MORC3: variants seen among roughly 807,000 people sequenced by gnomAD.
MORC3 encodes MORC family CW-type zinc finger protein 3.
A neutral mutation model predicts 109.1 loss-of-function variants in MORC3; 31 were observed. The observed-to-expected ratio is 0.28, with a 90% CI of 0.21 to 0.38. The LOEUF (loss-of-function observed/expected upper bound fraction) is 0.38. Among genes scored for constraint, MORC3 ranks in the 10% least tolerant of loss-of-function variants. The probability of loss-of-function intolerance (pLI) is 1.00; values close to 1 mark genes in which losing one functional copy is unlikely to be tolerated. For synonymous variants in MORC3, 395 were observed against 380.7 expected (o/e 1.04, Z -0.44); for missense variants, 867 against 1,135.8 (o/e 0.76, Z 3.40).
At chr21:36,374,547 C>A (rs1438824664) in intron 16 of MORC3, among the ~76,000 whole-genome samples, 2 of 152,144 alleles carry the variant, frequency 1.3e-5, no homozygotes, top group African/African-American at 4.8e-5. Context: ...GTAATCCCAG[C>A]ACTCTGAGGT....
chr21:36,370,635 A>ATTTTTTTTTTTTT lies in MORC3; in HGVS notation c.2508+760_2508+761insTTTTTTTTTTTTT, dbSNP rs1361206395. On this transcript the variant is annotated intron_variant, in intron 15 of 16. Transcript: ENST00000400485. The stretch of plus-strand genomic sequence containing the variant: ...TACATATATATATATATATATATAT[A>ATTTTTTTTTTTTT]TATATTTTTTTTTTTTTTTTTTTTT... Among the ~76,000 whole-genome samples, 4 of 42,004 alleles carry ATTTTTTTTTTTTT rather than the reference A, an allele frequency of 9.5e-5. 1 individual carries two copies. The highest frequency in any genetic ancestry group is 1.8e-4 in the Non-Finnish European group (4 of 22,436). The allele number at this position is 42,004 out of a possible 152,430, so 27.6% of individuals were successfully genotyped here.
intron 10 of MORC3, among the ~76,000 whole-genome samples, chr21:36,359,234 T>A (rs1165487490): frequency 6.6e-6 from 1 of 152,204 alleles, no homozygotes; most frequent in African/African-American, 2.4e-5. Context: ...AATTTAATGC[T>A]ATTAAGACAT....
chr21:36,345,310 A>G (rs2085495633), intron 8 of MORC3, among the ~76,000 whole-genome samples: 2 of 151,562 alleles, frequency 1.3e-5, no homozygotes, highest in African/African-American at 4.9e-5. Flanking sequence ...CAGTGGCACA[A>G]TCTTGGCTAA....
intron 4 of MORC3, 76 bp downstream of exon 4, chr21:36,338,022 T>C (rs1601517430): frequency 6.8e-7 from 1 of 1,460,210 alleles, no homozygotes; most frequent in Non-Finnish European, 9.5e-7. Flanking sequence ...GTTTTTGCCT[T>C]CTTCCAGATT....
At chr21:36,374,743 G>T (rs1340256088) in intron 16 of MORC3, among the ~76,000 whole-genome samples, 1 of 152,194 alleles carries the variant, frequency 6.6e-6, no homozygotes, top group Non-Finnish European at 1.5e-5. Flanking sequence ...TGCCATCGCA[G>T]CTCACTGCAG....
chr21:36,356,574 A>C, intron 9 of MORC3, 46 bp from the exon 10 acceptor site: 1 of 1,266,954 alleles, frequency 7.9e-7, no homozygotes, highest in Non-Finnish European at 1.1e-6. Context: ...TTTATGATTT[A>C]TGTTTGAAAA....
At position 36,344,674 on chromosome 21, in the gene MORC3, C is replaced by T. The variant is rs199572587; in HGVS notation, c.852C>T (p.Tyr284=). 1.2e-6 allele frequency: 2 copies of T among 1,613,730 alleles called. No homozygotes were observed. Among genetic ancestry groups the T allele is most frequent in the Non-Finnish European group, 1.7e-6 (2 of 1,179,936 alleles). Residue 284 remains tyrosine (Y), a synonymous_variant, in exon 7 of 17, where the codon TAC becomes TAT. Coordinates refer to ENST00000400485, the MANE Select transcript of MORC3 (RefSeq NM_015358.3). Reference sequence around the variant, plus strand: ...AGCTGGTTTCGAAGAGTCTTGCCTACATCGAACGTGATGTTTATCGACCAA... The same window carrying T: ...AGCTGGTTTCGAAGAGTCTTGCCTATATCGAACGTGATGTTTATCGACCAA... The part of the protein sequence containing the change: ...KTQLVSKSLA[Y]IERDVYRPKF...
chr21:36,342,392 GTTTT>G, intron 6 of MORC3, among the ~76,000 whole-genome samples: 1 of 151,808 alleles, frequency 6.6e-6, no homozygotes, highest in East Asian at 1.9e-4. Context: ...TGAGGTTTTT[GTTTT>G]TTTGTTTTTC....
In MORC3 at chr21:36,338,503, C is replaced by G. The variant is rs2085398519; in HGVS notation, c.461-271C>G. ...GGAATTTTGAGACCAGCCCAAGCAACGTAGGGAGACCCTATCTCTACAAAA... is the reference window on the plus strand; with the variant it reads ...GGAATTTTGAGACCAGCCCAAGCAAGGTAGGGAGACCCTATCTCTACAAAA... On this transcript the variant is annotated intron_variant, in intron 4 of 16. Transcript: ENST00000400485. Among the ~76,000 whole-genome samples, 2 of 151,898 alleles carry G rather than the reference C, an allele frequency of 1.3e-5. 1 individual carries two copies. Among genetic ancestry groups the G allele is most frequent in the South Asian group, 4.2e-4 (2 of 4,816 alleles).
intron 5 of MORC3, among the ~76,000 whole-genome samples, chr21:36,340,074 C>T (rs932098587): frequency 1.6e-4 from 24 of 152,004 alleles, no homozygotes; most frequent in South Asian, 2.1e-4. Context: ...GTCAGGAGAT[C>T]GAGACCATCC....
chr21:36,327,590 C>T (rs1222917044), intron 1 of MORC3, among the ~76,000 whole-genome samples: 2 of 151,386 alleles, frequency 1.3e-5, no homozygotes, highest in South Asian at 2.1e-4. Flanking sequence ...AAAGCAGATA[C>T]GTCATTTCAA....
chr21:36,351,574 C>G (rs2085573244), intron 9 of MORC3, among the ~76,000 whole-genome samples: 1 of 144,394 alleles, frequency 6.9e-6, no homozygotes, highest in African/African-American at 2.9e-5. Context: ...GTAATGTCCT[C>G]CAGGTATATC....
Position 36,361,128 on chromosome 21 carries a change from C to T in MORC3, c.1406+870C>T, listed in dbSNP as rs116347930. Among the ~76,000 whole-genome samples, 920 of 151,832 alleles carry T rather than the reference C, an allele frequency of 6.1e-3. 9 individuals are homozygous for T. The highest frequency in any genetic ancestry group is 0.021 in the African/African-American group (885 of 41,382). On this transcript the variant is annotated intron_variant, in intron 12 of 16. Transcript: ENST00000400485. ...ACAGATGCTGAATAAGGATAGTCAG[C>T]CAGTGGAGACTTCAGGCTAATCTAC... is the stretch of plus-strand genomic sequence containing the variant.
intron 1 of MORC3, among the ~76,000 whole-genome samples, chr21:36,324,431 C>T (rs192240073): frequency 5.6e-4 from 85 of 151,826 alleles, no homozygotes; most frequent in African/African-American, 1.9e-3. Context: ...GCACCTGCCA[C>T]GTTGCCTGGT....
intron 5 of MORC3, 124 bp from the exon 6 acceptor site, chr21:36,341,275 C>G (rs1164907606): frequency 2.3e-6 from 2 of 856,556 alleles, no homozygotes; most frequent in Non-Finnish European, 3.5e-6. Flanking sequence ...ACCCCCAACC[C>G]CCCACTGACG....
At chr21:36,338,396 T>G (rs1327211570) in intron 4 of MORC3, among the ~76,000 whole-genome samples, 2 of 152,156 alleles carry the variant, frequency 1.3e-5, no homozygotes, top group Admixed American at 6.5e-5. Flanking sequence ...ATGTTAAAAC[T>G]TAGAAAATAG....
chr21:36,375,180 C>T lies in MORC3; in HGVS notation c.2704C>T (p.Leu902=), dbSNP rs758735375. 6.2e-7 allele frequency: 1 copy of T among 1,613,874 alleles called. No homozygotes were observed. The highest frequency in any genetic ancestry group is 1.1e-5 in the South Asian group (1 of 91,012). The change falls in exon 17 of 17, where the codon CTG becomes TTG. Residue 902 remains leucine, a synonymous_variant. Coordinates refer to ENST00000400485, the MANE Select transcript of MORC3 (RefSeq NM_015358.3). Reference sequence around the variant, plus strand: ...ATCTCTTCGAGTTAACGTAGGACAACTGCTGGCTATGATTGTGCCTGATCT... The same window carrying T: ...ATCTCTTCGAGTTAACGTAGGACAATTGCTGGCTATGATTGTGCCTGATCT... ...LRSLRVNVGQ[L]LAMIVPDLDL...
chr21:36,360,387 G>A (rs1324064375), intron 12 of MORC3, 129 bp downstream of exon 12: 14 of 908,918 alleles, frequency 1.5e-5, no homozygotes, highest in East Asian at 1.3e-4. Context: ...TGTGGAGTGC[G>A]TAATATCAAG....
At chr21:36,324,360 C>G (rs1374415626) in intron 1 of MORC3, among the ~76,000 whole-genome samples, 1 of 151,464 alleles carries the variant, frequency 6.6e-6, no homozygotes, top group Non-Finnish European at 1.5e-5. Flanking sequence ...TCACTGCAAG[C>G]TCCGCCTCCC....
Sources: gnomAD v4.1 joint callset for allele counts (sites outside exome capture counted in the v4.1 genomes callset) on GRCh38, gnomAD v4.1.1 for gene constraint, MANE v1.5 for transcripts, NCBI Gene and HGNC (gene_info 2026-07-23, HGNC 2026-07-21) for gene names.